The following C10orf90 variants were observed in gnomAD, a reference collection of about 807,000 sequenced individuals.
The protein encoded by C10orf90 is (E2-independent) E3 ubiquitin-conjugating enzyme FATS.
Under a neutral mutation model 62.5 loss-of-function variants are expected in C10orf90, and 56 were observed. The ratio of observed to expected loss-of-function variants is 0.90; its 90% CI spans 0.72 to 1.12. The LOEUF is 1.12. Among genes scored for constraint, C10orf90 ranks in the 50% most tolerant of loss-of-function variants. The probability of loss-of-function intolerance (pLI) is 0.00; values close to 1 mark genes in which losing one functional copy is unlikely to be tolerated. For missense variants in C10orf90, 970 were observed against 880.4 expected, an observed-to-expected ratio of 1.10 and a Z score of -1.29; for synonymous variants, 386 against 340.4, an observed-to-expected ratio of 1.13 and a Z score of -1.47.
intron 2 of C10orf90, chr10:126,521,608 C>T (rs940837267): frequency 2.3e-5 from 12 of 519,520 alleles, no homozygotes; most frequent in Non-Finnish European, 3.6e-5. Flanking sequence ...TTTGAGGCTT[C>T]TTTGATGAGT....
At chr10:126,650,124 A>AT (rs1321452884) in intron 1 of C10orf90, among the ~76,000 whole-genome samples, 2 of 151,924 alleles carry the variant, frequency 1.3e-5, no homozygotes, top group Non-Finnish European at 2.9e-5. Flanking sequence ...AAGTGGAAAT[A>AT]TTTTCCCCAA....
At chr10:126,427,804 G>A (rs1020321518) in intron 8 of C10orf90, among the ~76,000 whole-genome samples, 1 of 152,128 alleles carries the variant, frequency 6.6e-6, no homozygotes, top group Non-Finnish European at 1.5e-5. Flanking sequence ...AGCCACTACT[G>A]GCTTCTCTCT....
At chr10:126,601,173 G>T (rs575717083) in intron 2 of C10orf90, among the ~76,000 whole-genome samples, 2 of 152,244 alleles carry the variant, frequency 1.3e-5, no homozygotes, top group African/African-American at 4.8e-5. Flanking sequence ...AGAACAGAAA[G>T]CCCCCGGGTC....
At chr10:126,641,462 A>G (rs1015043408) in intron 2 of C10orf90, among the ~76,000 whole-genome samples, 23 of 152,148 alleles carry the variant, frequency 1.5e-4, no homozygotes, top group African/African-American at 5.3e-4. Context: ...AGAAAATTCC[A>G]CGCCCCCCGC....
chr10:126,565,111 T>TAATATTAAATATGTAATATA (rs1564874001), intron 2 of C10orf90, among the ~76,000 whole-genome samples: 6 of 40,878 alleles, frequency 1.5e-4, no homozygotes, highest in Admixed American at 4.9e-4. Context: ...ATATAAAATA[T>TAATATTAAATATGTAATATA]ATATTATATA....
intron 1 of C10orf90, among the ~76,000 whole-genome samples, chr10:126,656,487 AG>A (rs764944448): frequency 6.6e-6 from 1 of 152,254 alleles, no homozygotes; most frequent in Non-Finnish European, 1.5e-5. Context: ...TTCATATCCA[AG>A]GTCACCTGAT....
At chr10:126,553,894 C>T (rs1461495076) in intron 2 of C10orf90, among the ~76,000 whole-genome samples, 1 of 152,132 alleles carries the variant, frequency 6.6e-6, no homozygotes, top group South Asian at 2.1e-4. Flanking sequence ...AACCGCAACG[C>T]CCATACATTG....
At chr10:126,486,564 A>G (rs1460111197) in intron 4 of C10orf90, among the ~76,000 whole-genome samples, 1 of 152,204 alleles carries the variant, frequency 6.6e-6, no homozygotes, top group Admixed American at 6.5e-5. Context: ...AATAAAAAAT[A>G]CTGGATATAA....
At chr10:126,440,367 C>T (rs950361194) in intron 7 of C10orf90, among the ~76,000 whole-genome samples, 11 of 152,136 alleles carry the variant, frequency 7.2e-5, no homozygotes, top group Admixed American at 1.3e-4. Flanking sequence ...CCCCTATCCG[C>T]CACAGCAGCC....
At chr10:126,665,904 A>G (rs1447537154) in intron 1 of C10orf90, among the ~76,000 whole-genome samples, 1 of 152,194 alleles carries the variant, frequency 6.6e-6, no homozygotes, top group Admixed American at 6.5e-5. Flanking sequence ...TGCCCAAGAG[A>G]AAAATACCTG....
intron 2 of C10orf90, among the ~76,000 whole-genome samples, chr10:126,602,098 C>G (rs918340525): frequency 1.4e-4 from 21 of 152,144 alleles, no homozygotes; most frequent in African/African-American, 4.6e-4. Flanking sequence ...CTGTCCCTCC[C>G]AATGAGGCCC....
At chr10:126,462,121 T>C (rs1471136794) in intron 5 of C10orf90, among the ~76,000 whole-genome samples, 2 of 152,154 alleles carry the variant, frequency 1.3e-5, no homozygotes. Context: ...GACTTTCCCT[T>C]GTGGAAAAGG....
At chr10:126,601,789 T>C (rs1047510959) in intron 2 of C10orf90, among the ~76,000 whole-genome samples, 6 of 152,242 alleles carry the variant, frequency 3.9e-5, no homozygotes, top group African/African-American at 1.2e-4. Flanking sequence ...CCAAAGCCAC[T>C]GAGGCCTGGA....
At chr10:126,529,907 A>G (rs1864047227) in intron 2 of C10orf90, among the ~76,000 whole-genome samples, 1 of 152,220 alleles carries the variant, frequency 6.6e-6, no homozygotes, top group Non-Finnish European at 1.5e-5. Flanking sequence ...CAAATGTATC[A>G]TCAAGGAATA....
At chr10:126,496,330 A>C (rs1045627162) in intron 4 of C10orf90, among the ~76,000 whole-genome samples, 2 of 152,240 alleles carry the variant, frequency 1.3e-5, no homozygotes, top group African/African-American at 4.8e-5. Flanking sequence ...CAACCTTTAG[A>C]TACCATATGG....
chr10:126,668,876 TA>T (rs1485034616), intron 1 of C10orf90, among the ~76,000 whole-genome samples: 1 of 152,210 alleles, frequency 6.6e-6, no homozygotes, highest in Non-Finnish European at 1.5e-5. Context: ...TGTAACCTCC[TA>T]AAAAGGTGTA....
At chr10:126,645,810 T>C (rs1269695402) in intron 2 of C10orf90, among the ~76,000 whole-genome samples, 3 of 152,152 alleles carry the variant, frequency 2.0e-5, no homozygotes, top group Non-Finnish European at 4.4e-5. Flanking sequence ...TGCATATATA[T>C]CCACATCCAC....
At chr10:126,467,701 G>A (rs747354113) in intron 4 of C10orf90, among the ~76,000 whole-genome samples, 16 of 152,054 alleles carry the variant, frequency 1.1e-4, no homozygotes, top group Non-Finnish European at 1.5e-4. Context: ...TTGACATGCC[G>A]TAGCGCAATA....
chr10:126,445,441 A>G (rs1858696136), intron 7 of C10orf90, among the ~76,000 whole-genome samples: 1 of 152,202 alleles, frequency 6.6e-6, no homozygotes, highest in Non-Finnish European at 1.5e-5. Context: ...GACCAGGGAA[A>G]TGCAAATAAA....
Sources: gnomAD v4.1 joint callset for allele counts (sites outside exome capture counted in the v4.1 genomes callset) on GRCh38, gnomAD v4.1.1 for gene constraint, MANE v1.5 for transcripts, NCBI Gene and HGNC (gene_info 2026-07-23, HGNC 2026-07-21) for gene names.